Variants in ARHGAP26 observed in about 807,000 individuals in gnomAD.
The protein encoded by ARHGAP26 is Rho GTPase activating protein 26.
Under a neutral mutation model 104.8 loss-of-function variants are expected in ARHGAP26, and 38 were observed. That is an observed-to-expected ratio of 0.36 (90% CI 0.28 to 0.48). The LOEUF (loss-of-function observed/expected upper bound fraction) is 0.48, where lower values mean the gene tolerates loss of function less well. Ranked by LOEUF, ARHGAP26 falls within the 20% of genes least tolerant of loss-of-function variation. The probability of loss-of-function intolerance (pLI) is 0.99; values close to 1 mark genes in which losing one functional copy is unlikely to be tolerated. For synonymous variants in ARHGAP26, 341 were observed against 340.0 expected (o/e 1.00, Z -0.03); for missense variants, 704 against 947.9 (o/e 0.74, Z 3.38).
At chr5:142,949,117 T>C (rs1367546484) in intron 11 of ARHGAP26, among the ~76,000 whole-genome samples, 2 of 136,472 alleles carry the variant, frequency 1.5e-5, no homozygotes, top group South Asian at 2.2e-4. Context: ...AAAAAAAAAA[T>C]TGAAGAAAGC....
intron 17 of ARHGAP26, among the ~76,000 whole-genome samples, chr5:143,108,022 A>G (rs1794259414): frequency 6.6e-6 from 1 of 152,232 alleles, no homozygotes; most frequent in South Asian, 2.1e-4. Context: ...CACATGTACC[A>G]CTATATATAA....
At chr5:142,864,538 C>T (rs1753913380) in intron 1 of ARHGAP26, among the ~76,000 whole-genome samples, 1 of 152,180 alleles carries the variant, frequency 6.6e-6, no homozygotes, top group African/African-American at 2.4e-5. Flanking sequence ...CTTAGGAACT[C>T]AGGTGTGTTT....
At chr5:143,159,232 C>T (rs1800893040) in intron 20 of ARHGAP26, among the ~76,000 whole-genome samples, 1 of 152,190 alleles carries the variant, frequency 6.6e-6, no homozygotes, top group African/African-American at 2.4e-5. Flanking sequence ...AAGAGCTCCC[C>T]ATTGGTGAAC....
intron 12 of ARHGAP26, among the ~76,000 whole-genome samples, chr5:143,035,276 C>T (rs1004406455): frequency 1.3e-5 from 2 of 152,100 alleles, no homozygotes; most frequent in East Asian, 1.9e-4. Context: ...ATTGCAGAAA[C>T]GTGGAACCAG....
chr5:142,890,065 G>C (rs1303298720), intron 5 of ARHGAP26, among the ~76,000 whole-genome samples: 9 of 148,114 alleles, frequency 6.1e-5, no homozygotes, highest in Admixed American at 1.4e-4. Flanking sequence ...GAACCTGGGA[G>C]GCGGAGGTTG....
intron 11 of ARHGAP26, among the ~76,000 whole-genome samples, chr5:142,934,436 T>G (rs540451455): frequency 1.2e-4 from 19 of 152,240 alleles, no homozygotes; most frequent in Non-Finnish European, 1.9e-4. Flanking sequence ...GCTTTTTAGT[T>G]TCCTAAAGAG....
At chr5:142,771,135 T>C (rs1234756797) in intron 1 of ARHGAP26, 21 of 1,320,766 alleles carry the variant, frequency 1.6e-5, no homozygotes, top group South Asian at 2.0e-5. Flanking sequence ...CGTTCAGGGA[T>C]GGTCGGGAGG....
intron 20 of ARHGAP26, among the ~76,000 whole-genome samples, chr5:143,148,997 A>G (rs550958437): frequency 5.3e-4 from 80 of 152,256 alleles, no homozygotes; most frequent in African/African-American, 1.9e-3. Flanking sequence ...TACAGTGTGT[A>G]CAAAGAGGTT....
At chr5:142,776,937 T>G (rs1262071747) in intron 1 of ARHGAP26, among the ~76,000 whole-genome samples, 1 of 152,212 alleles carries the variant, frequency 6.6e-6, no homozygotes, top group Non-Finnish European at 1.5e-5. Flanking sequence ...GTTGTTGTCT[T>G]TCTTTTTGAT....
chr5:142,791,958 A>T (rs1759932369), intron 1 of ARHGAP26, among the ~76,000 whole-genome samples: 1 of 151,996 alleles, frequency 6.6e-6, no homozygotes, highest in Non-Finnish European at 1.5e-5. Flanking sequence ...AAAAAAAAAA[A>T]AAAAGGTGTT....
At chr5:142,974,761 C>T (rs1173414725) in intron 11 of ARHGAP26, among the ~76,000 whole-genome samples, 1 of 152,170 alleles carries the variant, frequency 6.6e-6, no homozygotes, top group Non-Finnish European at 1.5e-5. Flanking sequence ...GAAAGTGATA[C>T]ATTTTTGGAA....
At chr5:142,973,187 G>T (rs1428754858) in intron 11 of ARHGAP26, among the ~76,000 whole-genome samples, 1 of 152,094 alleles carries the variant, frequency 6.6e-6, no homozygotes, top group East Asian at 1.9e-4. Flanking sequence ...TTGCAGCATT[G>T]GTGGAAAAGC....
intron 17 of ARHGAP26, among the ~76,000 whole-genome samples, chr5:143,096,319 A>G (rs1444847235): frequency 6.6e-6 from 1 of 152,242 alleles, no homozygotes; most frequent in East Asian, 1.9e-4. Flanking sequence ...CGTGGTGCAG[A>G]TCCAGATTTT....
chr5:142,799,025 C>G (rs1597668456), intron 1 of ARHGAP26, among the ~76,000 whole-genome samples: 1 of 152,180 alleles, frequency 6.6e-6, no homozygotes, highest in African/African-American at 2.4e-5. Context: ...GCTGTTCCTT[C>G]CCAATCTGGT....
At chr5:143,069,601 T>C (rs968298465) in intron 17 of ARHGAP26, among the ~76,000 whole-genome samples, 2 of 152,204 alleles carry the variant, frequency 1.3e-5, no homozygotes, top group Non-Finnish European at 2.9e-5. Context: ...GAGAAAGACA[T>C]CCAACTGGAA....
chr5:143,049,055 A>G (rs145080688), intron 14 of ARHGAP26, among the ~76,000 whole-genome samples: 1 of 152,246 alleles, frequency 6.6e-6, no homozygotes, highest in African/African-American at 2.4e-5. Flanking sequence ...ATAATGAGTC[A>G]TCTTACCCCT....
intron 4 of ARHGAP26, among the ~76,000 whole-genome samples, chr5:142,882,685 A>G (rs1484737322): frequency 6.6e-6 from 1 of 152,222 alleles, no homozygotes; most frequent in African/African-American, 2.4e-5. Flanking sequence ...CATTGCTGAC[A>G]TTTATTGAGC....
intron 10 of ARHGAP26, among the ~76,000 whole-genome samples, chr5:142,917,317 G>A (rs1235507564): frequency 6.6e-6 from 1 of 152,182 alleles, no homozygotes; most frequent in Non-Finnish European, 1.5e-5. Flanking sequence ...GGGATTACAG[G>A]CGTGAGCCAC....
chr5:142,832,610 A>G (rs1053918768), intron 1 of ARHGAP26, among the ~76,000 whole-genome samples: 1 of 152,258 alleles, frequency 6.6e-6, no homozygotes, highest in Admixed American at 6.5e-5. Flanking sequence ...GGCACAGGAC[A>G]TCTAGGGAAG....
Sources: allele counts gnomAD v4.1 joint callset (sites outside exome capture counted in the v4.1 genomes callset), GRCh38; gene constraint gnomAD v4.1.1; transcripts MANE v1.5; gene names NCBI Gene and HGNC (gene_info 2026-07-23, HGNC 2026-07-21).